ABTB2: variants seen among roughly 807,000 people sequenced by gnomAD.
The protein encoded by ABTB2 is ankyrin repeat and BTB domain containing 2.
ABTB2 carries 56 observed loss-of-function variants against 104.1 expected under a neutral mutation model. That is an observed-to-expected ratio of 0.54 (90% CI 0.43 to 0.67). ABTB2 has a LOEUF of 0.67. Among genes scored for constraint, ABTB2 ranks in the 30% least tolerant of loss-of-function variants. ABTB2 has a pLI of 0.00. For synonymous variants in ABTB2, 606 were observed against 608.2 expected, an observed-to-expected ratio of 1.00 and a Z score of 0.05; for missense variants, 1,279 against 1,407.7, an observed-to-expected ratio of 0.91 and a Z score of 1.46.
chr11:34,263,412 T>C (rs1435599220), intron 1 of ABTB2, among the ~76,000 whole-genome samples: 1 of 152,068 alleles, frequency 6.6e-6, no homozygotes, highest in Non-Finnish European at 1.5e-5. Flanking sequence ...GGAGGTGTGG[T>C]TTAAACATAA....
intron 1 of ABTB2, among the ~76,000 whole-genome samples, chr11:34,312,328 A>C (rs79195443): frequency 0.014 from 2,073 of 152,230 alleles, 32 homozygotes; most frequent in African/African-American, 0.046. Context: ...GGTCTCTACG[A>C]GGCAAGTGAT....
At position 34,160,287 on chromosome 11, in the gene ABTB2, T is replaced by G. The variant is rs745772913; in HGVS notation, c.2464A>C (p.Ser822Arg). 6.2e-7 allele frequency: 1 copy of G among 1,614,088 alleles called. No homozygotes were observed. The highest frequency in any genetic ancestry group is 1.1e-5 in the South Asian group (1 of 91,084). Residue 822 changes from serine (S) to arginine (R), a missense_variant, in exon 12 of 17, where the codon AGC (serine) becomes CGC (arginine). Physicochemically the swap from Ser to Arg is moderately radical, Grantham distance 110. Coordinates refer to ENST00000435224, the MANE Select transcript of ABTB2 (RefSeq NM_145804.3). ...THCYGSSPIP[S>R]IPEIRKTLPA... ...AGGGTCTTCCGGATCTCTGGGATGC[T>G]GGGGATGGGACTGCTGCCATAGCAG...
intron 1 of ABTB2, among the ~76,000 whole-genome samples, chr11:34,272,302 C>CAAAAAAAAAA (rs60997940): frequency 2.5e-5 from 2 of 80,774 alleles, no homozygotes; most frequent in African/African-American, 7.6e-5. Context: ...CAGGAAGCTG[C>CAAAAAAAAAA]AAAAAAAAAA....
chr11:34,322,538 G>A (rs1483642638), intron 1 of ABTB2, among the ~76,000 whole-genome samples: 2 of 152,010 alleles, frequency 1.3e-5, no homozygotes, highest in East Asian at 3.9e-4. Flanking sequence ...TTGCACCACT[G>A]CACTCCAGCC....
At chr11:34,262,556 G>C (rs964185707) in intron 1 of ABTB2, among the ~76,000 whole-genome samples, 5 of 152,112 alleles carry the variant, frequency 3.3e-5, no homozygotes, top group African/African-American at 1.2e-4. Flanking sequence ...TACACCTCCA[G>C]CAACAATCAA....
At chr11:34,160,033 G>A (rs1408164251) in intron 12 of ABTB2, 25 bp from the exon 13 acceptor site, 2 of 1,585,654 alleles carry the variant, frequency 1.3e-6, no homozygotes, top group East Asian at 2.2e-5. Flanking sequence ...GAGACAGAGG[G>A]ATATGGCTGA....
At chr11:34,259,282 A>C (rs1296721784) in intron 1 of ABTB2, among the ~76,000 whole-genome samples, 3 of 152,210 alleles carry the variant, frequency 2.0e-5, no homozygotes, top group Non-Finnish European at 4.4e-5. Context: ...AGTCTGAACG[A>C]GGCCTGGCAG....
intron 3 of ABTB2, among the ~76,000 whole-genome samples, chr11:34,186,446 C>T (rs1853100478): frequency 3.3e-5 from 5 of 152,212 alleles, no homozygotes; most frequent in South Asian, 2.1e-4. Context: ...AGCTTCGCCT[C>T]GGAAGCAGGC....
intron 1 of ABTB2, among the ~76,000 whole-genome samples, chr11:34,259,373 G>A (rs930293903): frequency 6.6e-6 from 1 of 152,228 alleles, no homozygotes; most frequent in Admixed American, 6.5e-5. Flanking sequence ...GGGAGGAAAT[G>A]TACCCAGCAA....
chr11:34,170,538 G>A (rs764915705), intron 5 of ABTB2, among the ~76,000 whole-genome samples: 26 of 152,164 alleles, frequency 1.7e-4, no homozygotes, highest in Admixed American at 3.3e-4. Flanking sequence ...GAGGACAAGG[G>A]TTTCCATGCC....
At chr11:34,168,697 C>T (rs539022674) in intron 5 of ABTB2, among the ~76,000 whole-genome samples, 4 of 152,344 alleles carry the variant, frequency 2.6e-5, no homozygotes, top group South Asian at 4.1e-4. Flanking sequence ...AGCTTTGCGC[C>T]GTCCCACGAG....
intron 1 of ABTB2, among the ~76,000 whole-genome samples, chr11:34,298,173 T>A (rs993726092): frequency 1.3e-5 from 2 of 151,794 alleles, no homozygotes; most frequent in African/African-American, 2.4e-5. Context: ...GAAACCAAAC[T>A]GACTTGCCCA....
At chr11:34,318,068 G>A (rs751989629) in intron 1 of ABTB2, among the ~76,000 whole-genome samples, 2 of 151,578 alleles carry the variant, frequency 1.3e-5, no homozygotes, top group Non-Finnish European at 2.9e-5. Flanking sequence ...CTGGGTTCAA[G>A]TAATTCTCCT....
rs376206445 is a variant in ABTB2, at chr11:34,154,633, G to C, written c.2766+68C>G. 1.8e-5 allele frequency: 27 copies of C among 1,493,672 alleles called. No homozygotes were observed. Among genetic ancestry groups the C allele is most frequent in the Admixed American group, 3.4e-5 (2 of 58,554 alleles). The allele number at this position is 1,493,672 out of a possible 1,614,324, so 92.5% of individuals were successfully genotyped here. A position where few individuals can be genotyped will look rare whatever the true frequency, so the allele number is the denominator to read the frequency against. Reference sequence around the variant, plus strand: ...AGGAAGAGCCACCTTCCCTCTGAAGGGGGTGAATGGGAGACCGAGCCGCTG... The same window carrying C: ...AGGAAGAGCCACCTTCCCTCTGAAGCGGGTGAATGGGAGACCGAGCCGCTG... On this transcript the variant is annotated intron_variant, in intron 15 of 16. Coordinates refer to ENST00000435224, the MANE Select transcript of ABTB2 (RefSeq NM_145804.3). This position sits in a 1 kb window ranked among gnomAD's most constrained non-coding sequence, Gnocchi z 4.9.
chr11:34,192,574 C>T (rs1214032920), intron 3 of ABTB2, among the ~76,000 whole-genome samples: 1 of 152,210 alleles, frequency 6.6e-6, no homozygotes, highest in African/African-American at 2.4e-5. Context: ...GGCTCCAAGC[C>T]TTCTGAGTGT....
In ABTB2 at chr11:34,284,851, C is replaced by T. The variant is rs1854485638; in HGVS notation, c.883+71850G>A. Among the ~76,000 whole-genome samples, 3 of 152,240 alleles carry T rather than the reference C, an allele frequency of 2.0e-5. No homozygotes were observed. In the South Asian group the frequency reaches 6.2e-4, roughly 31 times the overall value. On this transcript the variant is annotated intron_variant, in intron 1 of 16. Coordinates refer to ENST00000435224, the MANE Select transcript of ABTB2 (RefSeq NM_145804.3). ...TGCCTGCACACACCCCACCTGATAC[C>T]GCCTGGAGCCAGAGGGGTGTTAATG...
At chr11:34,303,313 CT>C (rs1448598478) in intron 1 of ABTB2, among the ~76,000 whole-genome samples, 7 of 152,226 alleles carry the variant, frequency 4.6e-5, no homozygotes, top group African/African-American at 1.7e-4. Context: ...ATCGCACAGC[CT>C]ACAAATGTTT....
intron 1 of ABTB2, among the ~76,000 whole-genome samples, chr11:34,326,266 C>T (rs1272295734): frequency 1.8e-4 from 28 of 151,960 alleles, no homozygotes; most frequent in Admixed American, 1.8e-3. Flanking sequence ...CCTTAGACCA[C>T]CCACCAAAAA....
intron 6 of ABTB2, 41 bp downstream of exon 6, chr11:34,167,862 C>T (rs1402524338): frequency 6.2e-7 from 1 of 1,601,752 alleles, no homozygotes; most frequent in African/African-American, 1.3e-5. Context: ...GTGATCCCTG[C>T]TGGCCTAGGG....
Sources: allele counts gnomAD v4.1 joint callset (sites outside exome capture counted in the v4.1 genomes callset), GRCh38; gene constraint gnomAD v4.1.1; non-coding constraint Gnocchi (gnomAD v3.1); transcripts MANE v1.5; gene names NCBI Gene and HGNC (gene_info 2026-07-23, HGNC 2026-07-21).